The following LGSN variants were observed in gnomAD, a reference collection of about 807,000 sequenced individuals.
LGSN encodes lengsin.
Under a neutral mutation model 19.5 loss-of-function variants are expected in LGSN, and 21 were observed. That is an observed-to-expected ratio of 1.07 (90% confidence interval 0.76 to 1.55). The LOEUF is 1.55. Among genes scored for constraint, LGSN ranks in the 40% most tolerant of loss-of-function variants. The probability of loss-of-function intolerance (pLI) is 0.00; values close to 1 mark genes in which losing one functional copy is unlikely to be tolerated. For synonymous variants in LGSN, 257 were observed against 215.6 expected, an observed-to-expected ratio of 1.19 and a Z score of -1.68; for missense variants, 673 against 608.5, an observed-to-expected ratio of 1.11 and a Z score of -1.12.
the LGSN span, among the ~76,000 whole-genome samples, chr6:63,477,435 G>A: frequency 6.6e-6 from 1 of 152,002 alleles, no homozygotes; most frequent in South Asian, 2.1e-4. Context: ...CCAAAATGAT[G>A]AAATTGCTGT....
At chr6:63,573,490 T>G in the LGSN span, 1 of 152,104 alleles carries the variant, frequency 6.6e-6, no homozygotes, top group African/African-American at 2.4e-5. Context: ...AACCCGTGAT[T>G]GCGGCGCGGA....
chr6:63,493,984 C>G, the LGSN span, among the ~76,000 whole-genome samples: 1 of 140,892 alleles, frequency 7.1e-6, no homozygotes, highest in Non-Finnish European at 1.5e-5. Context: ...GAGTCTTGCT[C>G]TGTCGCCCAG....
chr6:63,448,815 C>A, the LGSN span, among the ~76,000 whole-genome samples: 10 of 151,166 alleles, frequency 6.6e-5, no homozygotes, highest in African/African-American at 2.2e-4. Flanking sequence ...TTTGCAGATT[C>A]AACCAATCAT....
At chr6:63,421,744 AAAAG>A in the LGSN span, among the ~76,000 whole-genome samples, 6 of 152,154 alleles carry the variant, frequency 3.9e-5, no homozygotes, top group Non-Finnish European at 5.9e-5. Context: ...GAAAGAAAAA[AAAAG>A]AAAGAAATTA....
intron 1 of LGSN, among the ~76,000 whole-genome samples, chr6:63,307,238 A>T (rs561796108): frequency 6.6e-6 from 1 of 152,326 alleles, no homozygotes; most frequent in East Asian, 1.9e-4. Context: ...TTACCATCCT[A>T]TTTCAGAGAT....
chr6:63,374,492 T>A, the LGSN span, among the ~76,000 whole-genome samples: 1 of 152,186 alleles, frequency 6.6e-6, no homozygotes, highest in Non-Finnish European at 1.5e-5. Flanking sequence ...ATTCCCAAGA[T>A]GTTAAAATGA....
chr6:63,285,519 A>G, intron 3 of LGSN, 68 bp downstream of exon 3: 1 of 1,187,666 alleles, frequency 8.4e-7, no homozygotes, highest in Admixed American at 2.1e-5. Flanking sequence ...AATAAGAAAG[A>G]GTAATAAGAA....
chr6:63,465,339 C>A, the LGSN span, among the ~76,000 whole-genome samples: 3 of 152,050 alleles, frequency 2.0e-5, no homozygotes, highest in Admixed American at 1.3e-4. Flanking sequence ...CACCACCACA[C>A]CCAGCTAAAT....
At chr6:63,555,679 T>A in the LGSN span, among the ~76,000 whole-genome samples, 1 of 151,490 alleles carries the variant, frequency 6.6e-6, no homozygotes, top group South Asian at 2.1e-4. Flanking sequence ...GCAATTCACT[T>A]CTCAATTACA....
chr6:63,558,290 G>A, the LGSN span, among the ~76,000 whole-genome samples: 1 of 152,134 alleles, frequency 6.6e-6, no homozygotes, highest in Admixed American at 6.6e-5. Flanking sequence ...AGGAGGGAGG[G>A]ATGGAGGAGA....
chr6:63,349,424 C>G, the LGSN span, among the ~76,000 whole-genome samples: 1 of 152,194 alleles, frequency 6.6e-6, no homozygotes, highest in South Asian at 2.1e-4. Context: ...CCTAGGTATT[C>G]AATCAAACAT....
At chr6:63,562,273 C>A in the LGSN span, among the ~76,000 whole-genome samples, 1 of 150,032 alleles carries the variant, frequency 6.7e-6, no homozygotes, top group African/African-American at 2.5e-5. Flanking sequence ...GGTCTCAGCT[C>A]ACCACAACCT....
chr6:63,472,668 C>T, the LGSN span, among the ~76,000 whole-genome samples: 3 of 152,036 alleles, frequency 2.0e-5, no homozygotes, highest in South Asian at 6.2e-4. Flanking sequence ...GGGCCGGGCG[C>T]GGTGGCTCAA....
chr6:63,405,577 TG>T, the LGSN span, among the ~76,000 whole-genome samples: 144 of 152,338 alleles, frequency 9.5e-4, 3 homozygotes, highest in African/African-American at 3.2e-3. Flanking sequence ...CATTTTTTCA[TG>T]TGTTTTTTGG....
intron 2 of LGSN, among the ~76,000 whole-genome samples, chr6:63,287,290 T>C (rs1012835618): frequency 6.6e-6 from 1 of 152,252 alleles, no homozygotes. Flanking sequence ...GCAATTAAAG[T>C]ATTTCATGCT....
At chr6:63,568,218 C>T in the LGSN span, among the ~76,000 whole-genome samples, 5 of 152,156 alleles carry the variant, frequency 3.3e-5, no homozygotes, top group Admixed American at 1.3e-4. Flanking sequence ...GCCTAGTTTT[C>T]GGCCTATCTC....
At chr6:63,411,688 A>G in the LGSN span, among the ~76,000 whole-genome samples, 2 of 152,064 alleles carry the variant, frequency 1.3e-5, no homozygotes, top group Non-Finnish European at 2.9e-5. Flanking sequence ...AAAATAAAAA[A>G]TATTAGCTGG....
the LGSN span, among the ~76,000 whole-genome samples, chr6:63,522,862 C>CTTT: frequency 1.4e-4 from 18 of 126,430 alleles, no homozygotes; most frequent in African/African-American, 5.3e-4. Context: ...GACTAAATCA[C>CTTT]TTTTTTTTTT....
At chr6:63,358,313 T>C in the LGSN span, among the ~76,000 whole-genome samples, 21 of 152,264 alleles carry the variant, frequency 1.4e-4, no homozygotes, top group East Asian at 2.3e-3. Context: ...CTTGGCAATG[T>C]GGGCTCTTTT....
Sources: gnomAD v4.1 joint callset for allele counts (sites outside exome capture counted in the v4.1 genomes callset) on GRCh38, gnomAD v4.1.1 for gene constraint, MANE v1.5 for transcripts, NCBI Gene and HGNC (gene_info 2026-07-23, HGNC 2026-07-21) for gene names.